S100P: variants seen among roughly 807,000 people sequenced by gnomAD.
The protein encoded by S100P is protein S100-P.
In S100P, 7 loss-of-function variants were observed where a neutral mutation model predicts 4.7. The observed-to-expected ratio is 1.48, with a 90% CI of 0.84 to 2.77. The LOEUF is 2.77. Ranked by LOEUF, S100P falls within the 30% of genes most tolerant of loss-of-function variation. S100P has a pLI of 0.00. For missense variants in S100P, 122 were observed against 120.6 expected (o/e 1.01, Z -0.06); for synonymous variants, 48 against 49.0 (o/e 0.98, Z 0.08).
chr4:6,697,094 A>T lies in S100P; in HGVS notation c.*52A>T, dbSNP rs779271120. 1 of 1,517,942 alleles carries T rather than the reference A, an allele frequency of 6.6e-7. No homozygotes were observed. Among genetic ancestry groups the T allele is most frequent in the African/African-American group, 1.4e-5 (1 of 72,308 alleles). 94.0% of individuals were successfully genotyped at this position (1,517,942 alleles called of 1,614,324 possible). On this transcript the variant is annotated 3_prime_UTR_variant, in exon 2 of 2. Transcript: ENST00000296370. ...GCAGAGCCATGGTCCCAGGCTTCCC[A>T]AAAGTGTTTGTTGGCAATTATTCCC...
chr4:6,695,995 C>A (rs1044523369), intron 1 of S100P, among the ~76,000 whole-genome samples: 5 of 152,242 alleles, frequency 3.3e-5, no homozygotes, highest in African/African-American at 1.2e-4. Flanking sequence ...TACTTCCCTG[C>A]CTTACTTTTG....
intron 1 of S100P, 111 bp from the exon 2 acceptor site, chr4:6,696,782 A>G: frequency 9.0e-7 from 1 of 1,106,162 alleles, no homozygotes; most frequent in South Asian, 1.5e-5. Flanking sequence ...CCTGACAGCA[A>G]AGGTGACGCA....
At position 6,693,900 on chromosome 4, in the gene S100P, C is replaced by T; in HGVS notation, c.-33C>T. The T allele has an allele frequency of 6.2e-7, 1 of 1,613,852 alleles. No homozygotes were observed. Among genetic ancestry groups the T allele is most frequent in the Non-Finnish European group, 8.5e-7 (1 of 1,179,854 alleles). ...GGGACATTTTCTCGGCCCTGCCAGCCCCCAGGAGGAAGGTGGGTCTGAATC... is the reference window on the plus strand; with the variant it reads ...GGGACATTTTCTCGGCCCTGCCAGCTCCCAGGAGGAAGGTGGGTCTGAATC... On this transcript the variant is annotated 5_prime_UTR_variant, in exon 1 of 2. Transcript: ENST00000296370.
intron 1 of S100P, among the ~76,000 whole-genome samples, chr4:6,695,580 A>G (rs1714354012): frequency 1.3e-5 from 2 of 152,214 alleles, no homozygotes; most frequent in African/African-American, 4.8e-5. Context: ...AAGTATGAGA[A>G]TTGAACCCAT....
chr4:6,694,668 C>T (rs1714323571), intron 1 of S100P, among the ~76,000 whole-genome samples: 1 of 152,198 alleles, frequency 6.6e-6, no homozygotes, highest in African/African-American at 2.4e-5. Flanking sequence ...CAGAAGGCCC[C>T]TCAGGGCGGC....
At chr4:6,695,783 A>T (rs1173376242) in intron 1 of S100P, among the ~76,000 whole-genome samples, 1 of 151,400 alleles carries the variant, frequency 6.6e-6, no homozygotes, top group Non-Finnish European at 1.5e-5. Flanking sequence ...CCGGAGTCAG[A>T]GAACAATGTC....
chr4:6,696,333 C>A (rs1279000032), intron 1 of S100P, among the ~76,000 whole-genome samples: 3 of 152,202 alleles, frequency 2.0e-5, no homozygotes, highest in Non-Finnish European at 4.4e-5. Context: ...TCGCTCCACA[C>A]CTGGGGCTCA....
Position 6,697,055 on chromosome 4 carries a change from G to A in S100P, c.*13G>A. 2 of 1,605,202 alleles carry A rather than the reference G, an allele frequency of 1.2e-6. No individual in the cohort carries two copies. The highest frequency in any genetic ancestry group is 1.3e-5 in the African/African-American group (1 of 74,810). On this transcript the variant is annotated 3_prime_UTR_variant, in exon 2 of 2. Coordinates refer to ENST00000296370, the MANE Select transcript of S100P (RefSeq NM_005980.3). ...AGGACTCAAATGATGCCCTGGAGAT[G>A]TCACAGATTCCTGGCAGAGCCATGG...
At chr4:6,696,241 G>A (rs754940824) in intron 1 of S100P, among the ~76,000 whole-genome samples, 7 of 152,176 alleles carry the variant, frequency 4.6e-5, no homozygotes, top group Non-Finnish European at 1.0e-4. Context: ...GAGCCCTGCC[G>A]GCCTGGCCTT....
chr4:6,696,814 C>T, intron 1 of S100P, 79 bp from the exon 2 acceptor site: 2 of 1,423,514 alleles, frequency 1.4e-6, no homozygotes, highest in South Asian at 1.3e-5. Flanking sequence ...CCTGCTCCTG[C>T]CCAGCAGCAG....
intron 1 of S100P, among the ~76,000 whole-genome samples, 163 bp from the exon 2 acceptor site, chr4:6,696,730 G>T (rs1022011948): frequency 2.6e-5 from 4 of 151,668 alleles, no homozygotes; most frequent in African/African-American, 9.7e-5. Context: ...AGTTCTTAAG[G>T]CCAGGAATGC....
chr4:6,695,208 C>G (rs73089276), intron 1 of S100P, among the ~76,000 whole-genome samples: 3,343 of 152,252 alleles, frequency 0.022, 123 homozygotes, highest in African/African-American at 0.076. Context: ...TCAGGCAATG[C>G]GTCAGCCTCG....
chr4:6,697,014 A>G lies in S100P; in HGVS notation c.260A>G (p.Lys87Arg), dbSNP rs368998293. 1.1e-5 allele frequency: 18 copies of G among 1,613,726 alleles called. No homozygotes were observed. The highest frequency in any genetic ancestry group is 2.7e-5 in the African/African-American group (2 of 74,942). The change falls in exon 2 of 2, where the codon AAG becomes AGG. Residue 87 changes from lysine to arginine, a missense_variant. Lys to Arg is a conservative substitution (Grantham distance 26, BLOSUM62 2). Transcript: ENST00000296370. ...GCTGCAATCACGTCTGCCTGTCACA[A>G]GTACTTTGAGAAGGCAGGACTCAAA... ...FVAAITSACH[K>R]YFEKAGLK is the part of the protein sequence containing the mutation.
At chr4:6,694,337 G>T (rs1334771077) in intron 1 of S100P, among the ~76,000 whole-genome samples, 4 of 152,228 alleles carry the variant, frequency 2.6e-5, no homozygotes, top group Non-Finnish European at 4.4e-5. Flanking sequence ...TTTGTGACAG[G>T]CCTGGTGGGA....
intron 1 of S100P, among the ~76,000 whole-genome samples, chr4:6,694,644 C>T (rs997664957): frequency 6.6e-5 from 10 of 152,290 alleles, no homozygotes; most frequent in East Asian, 3.9e-4. Flanking sequence ...GAGGAGCCAC[C>T]GGCCTGAGCC....
At chr4:6,695,521 C>A (rs1714351940) in intron 1 of S100P, among the ~76,000 whole-genome samples, 1 of 152,204 alleles carries the variant, frequency 6.6e-6, no homozygotes, top group Admixed American at 6.5e-5. Flanking sequence ...CACCCCAGCC[C>A]CATCCTGGGA....
In S100P at chr4:6,694,004, C is replaced by T. The variant is rs1187163239; in HGVS notation, c.72C>T (p.Ser24=). ...VFSRYSGSEG[S]TQTLTKGELK... ...CCCGATATTCGGGCAGCGAGGGCAG[C>T]ACGCAGACCCTGACCAAGGGGGAGC... The change falls in exon 1 of 2, where the codon AGC becomes AGT. Residue 24 remains serine, a synonymous_variant. Coordinates refer to ENST00000296370, the MANE Select transcript of S100P (RefSeq NM_005980.3). 3.1e-6 allele frequency: 5 copies of T among 1,613,926 alleles called. No homozygotes were observed. The highest frequency in any genetic ancestry group is 4.2e-6 in the Non-Finnish European group (5 of 1,179,956).
chr4:6,694,956 T>C (rs1232786636), intron 1 of S100P, among the ~76,000 whole-genome samples: 1 of 143,618 alleles, frequency 7.0e-6, no homozygotes, highest in East Asian at 2.4e-4. Context: ...GCTTCTATTT[T>C]CTTTTCTTTT....
At chr4:6,696,865 G>C in intron 1 of S100P, 28 bp from the exon 2 acceptor site, 1 of 1,601,290 alleles carries the variant, frequency 6.2e-7, no homozygotes, top group Admixed American at 1.7e-5. Flanking sequence ...CACCCTCACT[G>C]CTGACCTTGA....
Sources: allele counts gnomAD v4.1 joint callset (sites outside exome capture counted in the v4.1 genomes callset), GRCh38; gene constraint gnomAD v4.1.1; transcripts MANE v1.5; gene names NCBI Gene and HGNC (gene_info 2026-07-23, HGNC 2026-07-21).